Variants in CSMD1 observed in about 807,000 individuals in gnomAD.
The protein encoded by CSMD1 is CUB and Sushi multiple domains 1, also known as CUB and sushi domain-containing protein 1.
CSMD1 carries 213 observed loss-of-function variants against 417.5 expected under a neutral mutation model. The observed-to-expected ratio is 0.51, with a 90% CI of 0.46 to 0.57. The LOEUF (loss-of-function observed/expected upper bound fraction) is 0.57. Ranked by LOEUF, CSMD1 falls within the 20% of genes least tolerant of loss-of-function variation. The pLI is 0.00. For synonymous variants in CSMD1, 2,862 were observed against 1,736.8 expected, an observed-to-expected ratio of 1.65 and a Z score of -16.11; for missense variants, 6,923 against 4,529.7, an observed-to-expected ratio of 1.53 and a Z score of -15.17.
chr8:3,173,919 C>G (rs926150320), intron 37 of CSMD1, among the ~76,000 whole-genome samples: 21 of 152,264 alleles, frequency 1.4e-4, no homozygotes, highest in Middle Eastern at 3.4e-3. Context: ...TGGCAACGTC[C>G]TGCCAAAAAT....
At chr8:3,024,213 G>T (rs1057096064) in intron 51 of CSMD1, among the ~76,000 whole-genome samples, 1 of 149,790 alleles carries the variant, frequency 6.7e-6, no homozygotes, top group Non-Finnish European at 1.5e-5. Flanking sequence ...AAATAAAAAT[G>T]TGTTACAGAA....
At chr8:4,848,363 G>A (rs951021941) in intron 1 of CSMD1, among the ~76,000 whole-genome samples, 2 of 152,136 alleles carry the variant, frequency 1.3e-5, no homozygotes, top group Non-Finnish European at 2.9e-5. Flanking sequence ...ATACAATGGT[G>A]GTCACGTAAG....
chr8:4,581,310 T>C (rs1209777006), intron 2 of CSMD1, among the ~76,000 whole-genome samples: 1 of 152,222 alleles, frequency 6.6e-6, no homozygotes, highest in Non-Finnish European at 1.5e-5. Flanking sequence ...GAGGAAGTAA[T>C]GAATTATTTT....
At chr8:4,419,770 G>C (rs1322397156) in intron 3 of CSMD1, among the ~76,000 whole-genome samples, 183 bp downstream of exon 3, 1 of 152,144 alleles carries the variant, frequency 6.6e-6, no homozygotes, top group Non-Finnish European at 1.5e-5. Context: ...ACACGTTTTG[G>C]GCTGGAAAGT....
rs186637450 is a variant in CSMD1 at position 4,537,194 on chromosome 8, C to T, written c.302+100148G>A. On this transcript the variant is annotated intron_variant, in intron 2 of 69. Coordinates refer to ENST00000635120, the MANE Select transcript of CSMD1 (RefSeq NM_033225.6). ...CATGAGACTACTATTTATATATCAG[C>T]ATTAAAGGGAAATATAATTTAAAAT... Among the ~76,000 whole-genome samples, 567 of 152,150 alleles carry T rather than the reference C, an allele frequency of 3.7e-3. 3 individuals carry two copies. The highest frequency in any genetic ancestry group is 0.014 in the Middle Eastern group (4 of 290).
At chr8:4,578,717 G>A (rs986058860) in intron 2 of CSMD1, among the ~76,000 whole-genome samples, 1 of 150,250 alleles carries the variant, frequency 6.7e-6, no homozygotes, top group Non-Finnish European at 1.5e-5. Context: ...AAGAGGCTGA[G>A]GCAAGATAAT....
At chr8:4,620,813 A>G (rs561284040) in intron 2 of CSMD1, among the ~76,000 whole-genome samples, 23 of 152,050 alleles carry the variant, frequency 1.5e-4, no homozygotes, top group African/African-American at 4.3e-4. Context: ...CAAATTAGTG[A>G]CTTTATATTC....
intron 2 of CSMD1, among the ~76,000 whole-genome samples, chr8:4,628,742 G>T (rs1294339030): frequency 6.6e-6 from 1 of 152,092 alleles, no homozygotes; most frequent in Non-Finnish European, 1.5e-5. Context: ...AGAGCCCTCA[G>T]GTGAGTTAGA....
intron 2 of CSMD1, among the ~76,000 whole-genome samples, chr8:4,456,336 G>T (rs749512130): frequency 6.6e-6 from 1 of 152,168 alleles, no homozygotes; most frequent in Non-Finnish European, 1.5e-5. Context: ...ATTAGTCATA[G>T]AGCAGGAACA....
intron 3 of CSMD1, among the ~76,000 whole-genome samples, chr8:4,217,703 G>C (rs1459638718): frequency 6.6e-6 from 1 of 151,882 alleles, no homozygotes; most frequent in African/African-American, 2.4e-5. Context: ...TGAATTTAAA[G>C]TTTTAGGAAA....
At chr8:3,288,610 A>T (rs1341969379) in intron 25 of CSMD1, among the ~76,000 whole-genome samples, 1 of 147,036 alleles carries the variant, frequency 6.8e-6, no homozygotes, top group Non-Finnish European at 1.5e-5. Context: ...GTATTCTCTG[A>T]TGGTAGTTTG....
At chr8:4,665,211 G>A (rs1053566622) in intron 1 of CSMD1, among the ~76,000 whole-genome samples, 1 of 152,046 alleles carries the variant, frequency 6.6e-6, no homozygotes, top group Non-Finnish European at 1.5e-5. Flanking sequence ...TTCTTTCAGA[G>A]CTCTGTTCTC....
At chr8:3,284,857 T>G (rs986954945) in intron 25 of CSMD1, among the ~76,000 whole-genome samples, 41 of 152,212 alleles carry the variant, frequency 2.7e-4, no homozygotes, top group African/African-American at 9.6e-4. Context: ...TTGTACTTCT[T>G]TCTAAAAATT....
intron 15 of CSMD1, among the ~76,000 whole-genome samples, chr8:3,403,388 T>C (rs1264921607): frequency 6.6e-6 from 1 of 152,216 alleles, no homozygotes; most frequent in Non-Finnish European, 1.5e-5. Flanking sequence ...GGTACCCGCC[T>C]GTTCCATCGG....
chr8:4,160,661 C>G (rs1331802484), intron 3 of CSMD1, among the ~76,000 whole-genome samples: 1 of 152,234 alleles, frequency 6.6e-6, no homozygotes, highest in African/African-American at 2.4e-5. Context: ...TGTGTGTGCA[C>G]AGACACATGT....
At chr8:3,087,037 G>T in intron 49 of CSMD1, 60 bp downstream of exon 49, 2 of 1,382,100 alleles carry the variant, frequency 1.4e-6, no homozygotes, top group East Asian at 2.3e-5. Context: ...TTTTCAGAGA[G>T]TGATTAAAAT....
chr8:3,241,928 G>A (rs1167313429), intron 26 of CSMD1, among the ~76,000 whole-genome samples: 8 of 147,790 alleles, frequency 5.4e-5, no homozygotes, highest in East Asian at 4.0e-4. Flanking sequence ...ATTTAATGCC[G>A]GGAGCAGATT....
chr8:4,433,693 C>A (rs1029224780), intron 2 of CSMD1, among the ~76,000 whole-genome samples: 2 of 152,290 alleles, frequency 1.3e-5, no homozygotes, highest in East Asian at 1.9e-4. Context: ...ATTCACCTGG[C>A]ATGTGAATAT....
intron 1 of CSMD1, among the ~76,000 whole-genome samples, chr8:4,947,708 T>C (rs1000917651): frequency 2.0e-5 from 3 of 152,126 alleles, no homozygotes; most frequent in Non-Finnish European, 4.4e-5. Context: ...TAAATATATT[T>C]TGTCTAAAGT....
Sources: allele counts gnomAD v4.1 joint callset (sites outside exome capture counted in the v4.1 genomes callset), GRCh38; gene constraint gnomAD v4.1.1; transcripts MANE v1.5; gene names NCBI Gene and HGNC (gene_info 2026-07-23, HGNC 2026-07-21).